The following TXNDC16 variants were observed in gnomAD, a reference collection of about 807,000 sequenced individuals.
The protein encoded by TXNDC16 is thioredoxin domain-containing protein 16.
TXNDC16 carries 74 observed loss-of-function variants against 85.6 expected under a neutral mutation model. That is an observed-to-expected ratio of 0.86 (90% CI 0.72 to 1.05). TXNDC16 has a LOEUF of 1.05. Among genes scored for constraint, TXNDC16 ranks in the 50% least tolerant of loss-of-function variants. The pLI is 0.00. For synonymous variants in TXNDC16, 335 were observed against 326.5 expected, an observed-to-expected ratio of 1.03 and a Z score of -0.28; for missense variants, 959 against 947.0, an observed-to-expected ratio of 1.01 and a Z score of -0.17.
intron 16 of TXNDC16, among the ~76,000 whole-genome samples, chr14:52,458,586 T>G (rs1594694846): frequency 6.6e-6 from 1 of 152,056 alleles, no homozygotes; most frequent in Non-Finnish European, 1.5e-5. Context: ...GAGAGAAAAT[T>G]TATTAAAATA....
rs762220713 is a variant in TXNDC16 at position 52,432,424 on chromosome 14, T to C, written c.2358A>G (p.Ala786=). The C allele has an allele frequency of 3.0e-5, 49 of 1,614,096 alleles. 1 individual carries two copies. In the Admixed American group the frequency reaches 8.0e-4, roughly 26 times the overall value. ...GAGTTTCAATCGGTTCTTTTCTGACTGCCGATTTATCTTCATGTTGTTCCT... is the reference window on the plus strand; with the variant it reads ...GAGTTTCAATCGGTTCTTTTCTGACCGCCGATTTATCTTCATGTTGTTCCT... ...NDKEQHEDKS[A]VRKEPIETLR... The change falls in exon 21 of 21, where the codon GCA becomes GCG. Residue 786 remains alanine (A), a synonymous_variant. Transcript: ENST00000281741.
At chr14:52,446,918 T>C (rs544047454) in intron 18 of TXNDC16, among the ~76,000 whole-genome samples, 2 of 142,522 alleles carry the variant, frequency 1.4e-5, no homozygotes, top group East Asian at 4.4e-4. Context: ...GGTAGTACAT[T>C]GTAGGACTTG....
chr14:52,537,214 C>G (rs2037723605), intron 5 of TXNDC16, among the ~76,000 whole-genome samples: 1 of 152,118 alleles, frequency 6.6e-6, no homozygotes, highest in Non-Finnish European at 1.5e-5. Flanking sequence ...ATTTGAGAAA[C>G]CTCAGGTAGA....
At chr14:52,513,344 C>T (rs2037000475) in intron 8 of TXNDC16, among the ~76,000 whole-genome samples, 1 of 152,078 alleles carries the variant, frequency 6.6e-6, no homozygotes, top group South Asian at 2.1e-4. Flanking sequence ...TCACCTCACT[C>T]CTATTAGGAG....
At chr14:52,476,139 C>T (rs913623235) in intron 14 of TXNDC16, among the ~76,000 whole-genome samples, 7 of 152,144 alleles carry the variant, frequency 4.6e-5, no homozygotes, top group Admixed American at 1.3e-4. Context: ...AAGAGTACTA[C>T]ATCAAGGGAA....
chr14:52,521,294 T>G (rs2140195477), intron 6 of TXNDC16, among the ~76,000 whole-genome samples: 1 of 150,092 alleles, frequency 6.7e-6, no homozygotes, highest in South Asian at 2.1e-4. Context: ...TTTTTTTTTT[T>G]GTATTTTTAG....
chr14:52,488,501 ATTTTT>A lies in TXNDC16; in HGVS notation c.985-20_985-16del. The A allele has an allele frequency of 6.4e-7, 1 of 1,572,766 alleles. No individual in the cohort carries two copies. On this transcript the variant is annotated splice_polypyrimidine_tract_variant and intron_variant, in intron 11 of 20. Coordinates refer to ENST00000281741, the MANE Select transcript of TXNDC16 (RefSeq NM_020784.3). ...ACTGGAACTCCCTAGAAATACATTA[ATTTTT>A]AAAAAATGAATATAGCAAAGTATTT... is the stretch of plus-strand genomic sequence containing the variant.
At chr14:52,530,431 TA>T (rs2037510176) in intron 6 of TXNDC16, among the ~76,000 whole-genome samples, 12 of 22,712 alleles carry the variant, frequency 5.3e-4, no homozygotes, top group East Asian at 6.4e-3. Flanking sequence ...TTATATATAA[TA>T]ATATATAATA....
chr14:52,494,566 A>C (rs1289242266), intron 9 of TXNDC16, among the ~76,000 whole-genome samples: 1 of 152,206 alleles, frequency 6.6e-6, no homozygotes, highest in Non-Finnish European at 1.5e-5. Flanking sequence ...TATTAGGAGA[A>C]CTATTAGTAA....
intron 4 of TXNDC16, among the ~76,000 whole-genome samples, chr14:52,540,350 C>G (rs893688805): frequency 6.6e-6 from 1 of 152,184 alleles, no homozygotes; most frequent in Non-Finnish European, 1.5e-5. Context: ...ATGGGCTAGG[C>G]GCGGTGGCTC....
intron 16 of TXNDC16, among the ~76,000 whole-genome samples, chr14:52,467,868 C>G (rs1050868082): frequency 6.6e-6 from 1 of 152,116 alleles, no homozygotes; most frequent in Non-Finnish European, 1.5e-5. Flanking sequence ...AATGGATAAA[C>G]AGATAAACAA....
chr14:52,434,987 T>C (rs944046442), intron 20 of TXNDC16, among the ~76,000 whole-genome samples: 3 of 152,206 alleles, frequency 2.0e-5, no homozygotes, highest in Non-Finnish European at 4.4e-5. Flanking sequence ...CTCTGGGTAA[T>C]GGTTTGAGCT....
chr14:52,483,333 A>T (rs1377043465), intron 12 of TXNDC16, among the ~76,000 whole-genome samples: 1 of 152,210 alleles, frequency 6.6e-6, no homozygotes, highest in African/African-American at 2.4e-5. Context: ...TATCTATGGA[A>T]AAGTCAGATA....
intron 6 of TXNDC16, among the ~76,000 whole-genome samples, chr14:52,529,201 A>G (rs1392750092): frequency 2.7e-5 from 4 of 150,554 alleles, no homozygotes; most frequent in Non-Finnish European, 5.9e-5. Context: ...GCTGGAAACC[A>G]TCATTCTCAG....
At chr14:52,515,960 T>C (rs1376234883) in intron 7 of TXNDC16, among the ~76,000 whole-genome samples, 1 of 152,166 alleles carries the variant, frequency 6.6e-6, no homozygotes, top group African/African-American at 2.4e-5. Context: ...ACTTCTTCAC[T>C]ATAGTTTTAA....
intron 15 of TXNDC16, 90 bp from the exon 16 acceptor site, chr14:52,470,263 T>C (rs1037569282): frequency 9.8e-7 from 1 of 1,017,858 alleles, no homozygotes; most frequent in Admixed American, 2.8e-5. Context: ...GCAAACAATA[T>C]ATTACATAGG....
At chr14:52,534,239 G>C (rs991207917) in intron 6 of TXNDC16, among the ~76,000 whole-genome samples, 2 of 152,078 alleles carry the variant, frequency 1.3e-5, no homozygotes, top group African/African-American at 4.8e-5. Flanking sequence ...CTTATCTCCT[G>C]CTTCACATTT....
At chr14:52,489,186 ACTT>A (rs1190226294) in intron 11 of TXNDC16, among the ~76,000 whole-genome samples, 1 of 152,188 alleles carries the variant, frequency 6.6e-6, no homozygotes, top group Non-Finnish European at 1.5e-5. Flanking sequence ...TCAAAACAAT[ACTT>A]CATCTAAATT....
chr14:52,536,843 TC>T (rs754861779), intron 5 of TXNDC16, 50 bp from the exon 6 acceptor site: 1 of 1,423,538 alleles, frequency 7.0e-7, no homozygotes, highest in Admixed American at 1.9e-5. Flanking sequence ...AAAAAATATT[TC>T]CTTAGAATTC....
Sources: gnomAD v4.1 joint callset for allele counts (sites outside exome capture counted in the v4.1 genomes callset) on GRCh38, gnomAD v4.1.1 for gene constraint, MANE v1.5 for transcripts, NCBI Gene and HGNC (gene_info 2026-07-23, HGNC 2026-07-21) for gene names.